EIF3H: variants seen among roughly 807,000 people sequenced by gnomAD.
The protein encoded by EIF3H is eIF-3-gamma.
EIF3H carries 26 observed loss-of-function variants against 44.2 expected under a neutral mutation model. The ratio of observed to expected loss-of-function variants is 0.59; its 90% CI spans 0.43 to 0.82. The LOEUF (loss-of-function observed/expected upper bound fraction) is 0.82. Among genes scored for constraint, EIF3H ranks in the 40% least tolerant of loss-of-function variants. The pLI is 0.00. For missense variants in EIF3H, 359 were observed against 432.8 expected (o/e 0.83, Z 1.51); for synonymous variants, 166 against 151.9 (o/e 1.09, Z -0.68).
At chr8:116,753,669 T>C (rs756340687) in intron 1 of EIF3H, among the ~76,000 whole-genome samples, 1 of 152,222 alleles carries the variant, frequency 6.6e-6, no homozygotes, top group Non-Finnish European at 1.5e-5. Flanking sequence ...AAACCTGAAG[T>C]GATCCAGTCC....
At chr8:116,685,927 T>TCGAGA (rs1459085167) in intron 2 of EIF3H, among the ~76,000 whole-genome samples, 2 of 152,170 alleles carry the variant, frequency 1.3e-5, no homozygotes, top group Admixed American at 1.3e-4. Flanking sequence ...AGGATCAGTC[T>TCGAGA]CCTACAGTAA....
intron 1 of EIF3H, among the ~76,000 whole-genome samples, chr8:116,743,468 G>A (rs1034079677): frequency 2.0e-5 from 3 of 149,792 alleles, no homozygotes; most frequent in African/African-American, 7.4e-5. Flanking sequence ...AATAGGCCAG[G>A]CACAGTGGCT....
chr8:116,657,082 G>A, intron 4 of EIF3H, 133 bp downstream of exon 4: 1 of 726,104 alleles, frequency 1.4e-6, no homozygotes, highest in Non-Finnish European at 2.4e-6. Context: ...GCAGCACTCG[G>A]CATGCAGAAA....
intron 1 of EIF3H, among the ~76,000 whole-genome samples, chr8:116,747,850 C>T (rs904874391): frequency 6.6e-6 from 1 of 152,160 alleles, no homozygotes; most frequent in Non-Finnish European, 1.5e-5. Flanking sequence ...TGGCTCACAC[C>T]TGTAATCCCA....
In EIF3H at chr8:116,644,895, C is replaced by T. The variant is rs1813274192; in HGVS notation, c.*111G>A. 3 of 818,584 alleles carry T rather than the reference C, an allele frequency of 3.7e-6. No individual in the cohort carries two copies. The highest frequency in any genetic ancestry group is 3.4e-5 in the African/African-American group (2 of 58,220). The allele number at this position is 818,584 out of a possible 1,614,324, so 50.7% of individuals were successfully genotyped here. ...CTGTTATAGCCAAAATCGGCAATGACACTAAAGAAATCCTCTGTGCTTTTC... is the reference window on the plus strand; with the variant it reads ...CTGTTATAGCCAAAATCGGCAATGATACTAAAGAAATCCTCTGTGCTTTTC... On this transcript the variant is annotated 3_prime_UTR_variant, in exon 8 of 8. Coordinates refer to ENST00000521861, the MANE Select transcript of EIF3H (RefSeq NM_003756.3).
At chr8:116,758,471 G>A (rs1410613615), upstream of EIF3H, among the ~76,000 whole-genome samples, 1 of 152,116 alleles carries the variant, frequency 6.6e-6, no homozygotes, top group Non-Finnish European at 1.5e-5. Context: ...AAATCAATAG[G>A]ATATAAGGAA....
chr8:116,716,162 T>C (rs116395956), intron 2 of EIF3H, among the ~76,000 whole-genome samples: 76 of 152,214 alleles, frequency 5.0e-4, no homozygotes, highest in African/African-American at 1.8e-3. Flanking sequence ...ATCATTCTCG[T>C]TGTTTCTAGT....
intron 1 of EIF3H, among the ~76,000 whole-genome samples, chr8:116,746,717 A>T (rs1239450076): frequency 6.6e-6 from 1 of 152,250 alleles, no homozygotes; most frequent in Non-Finnish European, 1.5e-5. Context: ...TCTATTATAA[A>T]AAGTTACTAT....
intron 2 of EIF3H, among the ~76,000 whole-genome samples, chr8:116,724,107 C>A (rs748105982): frequency 2.6e-5 from 4 of 152,092 alleles, no homozygotes; most frequent in Non-Finnish European, 5.9e-5. Flanking sequence ...GACAGACATA[C>A]AGACCAGTGG....
intron 2 of EIF3H, among the ~76,000 whole-genome samples, chr8:116,695,352 G>A (rs1053730280): frequency 6.6e-6 from 1 of 152,110 alleles, no homozygotes; most frequent in Non-Finnish European, 1.5e-5. Flanking sequence ...TGCTGGGATT[G>A]CAGAGCCACC....
intron 5 of EIF3H, among the ~76,000 whole-genome samples, chr8:116,651,134 G>A (rs894382042): frequency 4.6e-5 from 7 of 151,768 alleles, no homozygotes; most frequent in South Asian, 2.1e-4. Flanking sequence ...TCTGAAAAGG[G>A]TTTAAATGGT....
chr8:116,668,474 C>T (rs1442725424), intron 2 of EIF3H, among the ~76,000 whole-genome samples: 1 of 152,158 alleles, frequency 6.6e-6, no homozygotes, highest in African/African-American at 2.4e-5. Context: ...CATACATATA[C>T]ATACATACAT....
intron 1 of EIF3H, chr8:116,734,214 A>C: frequency 2.2e-6 from 1 of 452,242 alleles, no homozygotes. Context: ...ATGTGATTAC[A>C]GATTGCGGAA....
At chr8:116,692,768 T>A (rs905463748) in intron 2 of EIF3H, among the ~76,000 whole-genome samples, 2 of 152,200 alleles carry the variant, frequency 1.3e-5, no homozygotes, top group Non-Finnish European at 2.9e-5. Flanking sequence ...CAAACTAAAA[T>A]ATTAAAATAG....
At chr8:116,702,432 C>A (rs1814393184) in intron 2 of EIF3H, among the ~76,000 whole-genome samples, 1 of 152,150 alleles carries the variant, frequency 6.6e-6, no homozygotes, top group Admixed American at 6.5e-5. Flanking sequence ...AGTCATTTAG[C>A]CATAACCACG....
chr8:116,657,438 C>A, intron 3 of EIF3H, 124 bp from the exon 4 acceptor site: 1 of 700,210 alleles, frequency 1.4e-6, no homozygotes, highest in Non-Finnish European at 2.4e-6. Context: ...TCAAAATAAA[C>A]AACCAGAACA....
intron 1 of EIF3H, among the ~76,000 whole-genome samples, chr8:116,746,632 T>C (rs377124718): frequency 2.0e-4 from 30 of 152,356 alleles, no homozygotes; most frequent in South Asian, 8.3e-4. Context: ...GAGAATCACA[T>C]GTATAATCCA....
intron 1 of EIF3H, among the ~76,000 whole-genome samples, chr8:116,738,309 C>T (rs1414369881): frequency 1.3e-5 from 2 of 152,114 alleles, no homozygotes; most frequent in Non-Finnish European, 2.9e-5. Context: ...GGTTCCTTTA[C>T]ATTTGTAAAA....
chr8:116,736,532 C>T (rs973646958), intron 1 of EIF3H, among the ~76,000 whole-genome samples: 1 of 152,038 alleles, frequency 6.6e-6, no homozygotes, highest in South Asian at 2.1e-4. Flanking sequence ...CGTGGTGGCA[C>T]GCGCCTATAG....
Sources: allele counts gnomAD v4.1 joint callset (sites outside exome capture counted in the v4.1 genomes callset), GRCh38; gene constraint gnomAD v4.1.1; transcripts MANE v1.5; gene names NCBI Gene and HGNC (gene_info 2026-07-23, HGNC 2026-07-21).